Variants in TRRAP observed in about 807,000 individuals in gnomAD.
TRRAP encodes transformation/transcription domain-associated protein.
In TRRAP, 41 loss-of-function variants were observed where a neutral mutation model predicts 438.8. That is an observed-to-expected ratio of 0.09 (90% CI 0.07 to 0.12). The LOEUF (loss-of-function observed/expected upper bound fraction) is 0.12. Ranked by LOEUF, TRRAP falls within the 10% of genes least tolerant of loss-of-function variation. The probability of loss-of-function intolerance (pLI) is 1.00; values close to 1 mark genes in which losing one functional copy is unlikely to be tolerated. For synonymous variants in TRRAP, 1,994 were observed against 1,962.9 expected (o/e 1.02, Z -0.42); for missense variants, 3,122 against 5,055.1 (o/e 0.62, Z 11.60).
At chr7:98,951,377 C>T (rs529355810) in intron 39 of TRRAP, among the ~76,000 whole-genome samples, 1 of 152,318 alleles carries the variant, frequency 6.6e-6, no homozygotes, top group South Asian at 2.1e-4. Flanking sequence ...ACTCTCCTAA[C>T]AGCCAGTGAG....
intron 57 of TRRAP, 81 bp downstream of exon 57, chr7:98,978,404 A>C: frequency 1.6e-6 from 2 of 1,285,974 alleles, no homozygotes; most frequent in Non-Finnish European, 1.1e-6. Flanking sequence ...TCTTGTAATG[A>C]GCGTTTTTTA....
Position 98,958,152 on chromosome 7 carries a change from C to T in TRRAP, c.6342+61C>T, listed in dbSNP as rs1791712097. 3.6e-6 allele frequency: 5 copies of T among 1,407,294 alleles called. No individual in the cohort carries two copies. In the Admixed American group the frequency reaches 8.5e-5, roughly 24 times the overall value. The allele number at this position is 1,407,294 out of a possible 1,614,324, so 87.2% of individuals were successfully genotyped here. ...CAGACCAGAGGCTACTGACTAACAC[C>T]CCAGGAGGTTATCTGTGGCAATTTC... is the stretch of plus-strand genomic sequence containing the variant. On this transcript the variant is annotated intron_variant, in intron 44 of 72. Coordinates refer to ENST00000456197, the MANE Select transcript of TRRAP (RefSeq NM_001375524.1).
intron 13 of TRRAP, 152 bp downstream of exon 13, chr7:98,906,407 TTTATTTATTTA>T (rs1554407551): frequency 7.9e-4 from 13 of 16,560 alleles, no homozygotes; most frequent in Middle Eastern, 0.023. Flanking sequence ...TTTTGTTTTA[TTTATTTATTTA>T]TTTATTTATT....
At position 98,956,354 on chromosome 7, in the gene TRRAP, C is replaced by G. The variant is rs1184404589; in HGVS notation, c.6097-45C>G. On this transcript the variant is annotated intron_variant, in intron 42 of 72. Coordinates refer to ENST00000456197, the MANE Select transcript of TRRAP (RefSeq NM_001375524.1). The surrounding 1 kb of genome is among the most constrained non-coding windows in gnomAD (Gnocchi z 4.5). The stretch of plus-strand genomic sequence containing the variant: ...CCCCGATCGTCTTCCTTTGACTTCT[C>G]CCTAGAAATCAGTCAGTAAAACCAA... The G allele has an allele frequency of 3.1e-6, 5 of 1,613,074 alleles. No homozygotes were observed. The highest frequency in any genetic ancestry group is 1.3e-5 in the African/African-American group (1 of 74,860).
chr7:98,949,401 T>C lies in TRRAP; in HGVS notation c.4789-16T>C, dbSNP rs782816733. On this transcript the variant is annotated splice_polypyrimidine_tract_variant and intron_variant, in intron 35 of 72. Coordinates refer to ENST00000456197, the MANE Select transcript of TRRAP (RefSeq NM_001375524.1). ...TGATTAGCTTAAAACGGCTTTTCTA[T>C]TTGTTTTGCTTTCAGAGTTTTTTAA... The C allele has an allele frequency of 1.6e-5, 24 of 1,512,882 alleles. No homozygotes were observed. The highest frequency in any genetic ancestry group is 2.0e-5 in the Non-Finnish European group (23 of 1,132,172). 93.7% of individuals were successfully genotyped at this position (1,512,882 alleles called of 1,614,324 possible). A position where few individuals can be genotyped will look rare whatever the true frequency, so the allele number is the denominator to read the frequency against.
In TRRAP at chr7:98,961,366, C is replaced by G. The variant is rs749416926; in HGVS notation, c.6595C>G (p.Pro2199Ala). The G allele has an allele frequency of 4.3e-5, 70 of 1,614,088 alleles. No individual in the cohort carries two copies. The highest frequency in any genetic ancestry group is 5.9e-5 in the Non-Finnish European group (70 of 1,180,048). The change falls in exon 46 of 73, where the codon CCT (proline) becomes GCT (alanine). Residue 2199 changes from proline (P) to alanine (A), a missense_variant. Physicochemically the swap from Pro to Ala is conservative, Grantham distance 27 (BLOSUM62 -1). Transcript: ENST00000456197. ...CCCAGCCATCCTCAGTAGCTTCAAA[C>G]CTCTGCAGCGTGGAATTGCCGCCTG... ...QSPAILSSFK[P>A]LQRGIAACMT...
intron 11 of TRRAP, among the ~76,000 whole-genome samples, chr7:98,901,157 T>C (rs887572009): frequency 8.5e-5 from 13 of 152,358 alleles, no homozygotes; most frequent in African/African-American, 3.1e-4. Flanking sequence ...CGGTAGCAAT[T>C]GTCTCACAGT....
intron 3 of TRRAP, among the ~76,000 whole-genome samples, chr7:98,887,189 G>A (rs554645964): frequency 6.6e-6 from 1 of 152,174 alleles, no homozygotes; most frequent in Non-Finnish European, 1.5e-5. Flanking sequence ...TAAATAAAGT[G>A]CTAGGATTAC....
intron 25 of TRRAP, 107 bp downstream of exon 25, chr7:98,930,937 G>A: frequency 7.2e-7 from 1 of 1,396,680 alleles, no homozygotes; most frequent in Non-Finnish European, 9.8e-7. Flanking sequence ...GCAGCATGGT[G>A]ACTTTGATAC....
At chr7:98,929,489 T>C (rs1790224612) in intron 23 of TRRAP, among the ~76,000 whole-genome samples, 2 of 152,202 alleles carry the variant, frequency 1.3e-5, no homozygotes, top group African/African-American at 4.8e-5. Flanking sequence ...TAGAAAACGT[T>C]CAGAAAAATA....
At chr7:98,941,462 G>C (rs1297412691) in intron 30 of TRRAP, among the ~76,000 whole-genome samples, 1 of 152,148 alleles carries the variant, frequency 6.6e-6, no homozygotes, top group East Asian at 1.9e-4. Flanking sequence ...GAGCTACCGC[G>C]CCTGGCCATG....
At position 98,962,396 on chromosome 7, in the gene TRRAP, G is replaced by A. The variant is rs568650157; in HGVS notation, c.6798G>A (p.Lys2266=). The change falls in exon 47 of 73, where the codon AAG becomes AAA. Residue 2266 remains lysine (K), a synonymous_variant. Transcript: ENST00000456197. ...ATGAAGGGCTCACCAACTACGAGAA[G>A]GCCACCAATGCCAATCCCTCCCAGC... ...VIYEGLTNYE[K]ATNANPSQLF... 1 of 1,614,224 alleles carries A rather than the reference G, an allele frequency of 6.2e-7. No homozygotes were observed. Among genetic ancestry groups the A allele is most frequent in the Non-Finnish European group, 8.5e-7 (1 of 1,180,036 alleles).
chr7:98,925,084 C>T, intron 21 of TRRAP, 28 bp from the exon 22 acceptor site: 4 of 1,590,760 alleles, frequency 2.5e-6, no homozygotes, highest in Non-Finnish European at 3.4e-6. Context: ...TCAGCACAAA[C>T]TGTAGTTTCT....
intron 13 of TRRAP, among the ~76,000 whole-genome samples, chr7:98,906,952 A>G (rs1023771207): frequency 6.6e-6 from 1 of 151,980 alleles, no homozygotes; most frequent in African/African-American, 2.4e-5. Flanking sequence ...CTGGTCCTGC[A>G]CAGGGAGATG....
At chr7:98,950,741 A>C in intron 38 of TRRAP, 135 bp from the exon 39 acceptor site, 4 of 1,059,514 alleles carry the variant, frequency 3.8e-6, no homozygotes, top group Non-Finnish European at 5.2e-6. Flanking sequence ...CATAGGAGTC[A>C]AGGTTGGTAG....
intron 18 of TRRAP, among the ~76,000 whole-genome samples, chr7:98,913,119 C>T (rs1024332977): frequency 6.7e-5 from 10 of 148,578 alleles, no homozygotes; most frequent in African/African-American, 1.1e-4. Flanking sequence ...CCTTCCAGCC[C>T]GCCCCAGAGT....
intron 18 of TRRAP, 129 bp downstream of exon 18, chr7:98,912,342 C>CAAAAACTGGGGAGAT: frequency 1.1e-6 from 1 of 947,158 alleles, no homozygotes; most frequent in Non-Finnish European, 1.5e-6. Flanking sequence ...CTTGATCTCC[C>CAAAAACTGGGGAGAT]CAGTTTTTGG....
intron 62 of TRRAP, 54 bp downstream of exon 62, chr7:98,985,098 G>A: frequency 1.5e-6 from 2 of 1,303,658 alleles, no homozygotes; most frequent in Non-Finnish European, 1.1e-6. Flanking sequence ...ATTATTTAAA[G>A]TTATTTATAA....
At chr7:98,909,463 G>A (rs1162611696) in intron 14 of TRRAP, among the ~76,000 whole-genome samples, 1 of 152,206 alleles carries the variant, frequency 6.6e-6, no homozygotes, top group African/African-American at 2.4e-5. Flanking sequence ...TTCACTTGGG[G>A]TGATGATATC....
Sources: allele counts gnomAD v4.1 joint callset (sites outside exome capture counted in the v4.1 genomes callset), GRCh38; gene constraint gnomAD v4.1.1; non-coding constraint Gnocchi (gnomAD v3.1); transcripts MANE v1.5; gene names NCBI Gene and HGNC (gene_info 2026-07-23, HGNC 2026-07-21).